The following PDZD2 variants were observed in gnomAD, a reference collection of about 807,000 sequenced individuals.
The protein encoded by PDZD2 is PDZ domain containing 2.
PDZD2 carries 90 observed loss-of-function variants against 220.7 expected under a neutral mutation model. That is an observed-to-expected ratio of 0.41 (90% CI 0.34 to 0.49). PDZD2 has a LOEUF of 0.49. Among genes scored for constraint, PDZD2 ranks in the 20% least tolerant of loss-of-function variants. The pLI is 0.28. For missense variants in PDZD2, 3,174 were observed against 3,608.5 expected (o/e 0.88, Z 3.08); for synonymous variants, 1,375 against 1,450.5 (o/e 0.95, Z 1.18).
chr5:31,847,385 G>C (rs1348021246), intron 2 of PDZD2: 2 of 451,190 alleles, frequency 4.4e-6, no homozygotes, highest in Admixed American at 5.5e-5. Context: ...CTTGGTGATA[G>C]AGGATAAAAA....
chr5:31,923,346 C>T, intron 2 of PDZD2: 3 of 945,084 alleles, frequency 3.2e-6, no homozygotes, highest in Non-Finnish European at 5.2e-6. Flanking sequence ...GGGGTCCTCC[C>T]TGTGCCACAC....
At chr5:31,666,893 C>T (rs1746009251) in intron 1 of PDZD2, among the ~76,000 whole-genome samples, 2 of 152,136 alleles carry the variant, frequency 1.3e-5, no homozygotes, top group Non-Finnish European at 2.9e-5. Flanking sequence ...CTTGTGACTT[C>T]TTAGCCCAAG....
intron 1 of PDZD2, among the ~76,000 whole-genome samples, chr5:31,728,844 GTTTAT>G (rs778082625): frequency 1.3e-5 from 2 of 151,882 alleles, no homozygotes; most frequent in East Asian, 1.9e-4. Context: ...TGTGCATCTT[GTTTAT>G]TTTATTTTAT....
At chr5:31,726,208 C>T (rs923579166) in intron 1 of PDZD2, among the ~76,000 whole-genome samples, 12 of 152,174 alleles carry the variant, frequency 7.9e-5, no homozygotes, top group African/African-American at 2.9e-4. Flanking sequence ...GCCGTTGCCA[C>T]CTTTTTATGC....
chr5:31,996,767 G>A (rs72759655), intron 4 of PDZD2, among the ~76,000 whole-genome samples: 17,799 of 152,196 alleles, frequency 0.12, 1,185 homozygotes, highest in South Asian at 0.18. Flanking sequence ...TGTAGTCCTA[G>A]CTACTCAGGA....
intron 1 of PDZD2, among the ~76,000 whole-genome samples, chr5:31,675,352 G>T (rs960759211): frequency 6.6e-6 from 1 of 152,276 alleles, no homozygotes; most frequent in Non-Finnish European, 1.5e-5. Context: ...GGAAGGAAAG[G>T]CTGTGCTGGC....
At chr5:31,727,368 A>G (rs550694834) in intron 1 of PDZD2, among the ~76,000 whole-genome samples, 2 of 152,272 alleles carry the variant, frequency 1.3e-5, no homozygotes, top group East Asian at 3.9e-4. Context: ...ACTACCTCCC[A>G]CTGCAAATAT....
intron 1 of PDZD2, among the ~76,000 whole-genome samples, chr5:31,703,955 C>T (rs199548579): frequency 2.3e-5 from 3 of 127,868 alleles, no homozygotes; most frequent in South Asian, 2.6e-4. Flanking sequence ...CTTTCTCTCT[C>T]TTTCTCTCTC....
Position 31,849,919 on chromosome 5 carries a change from CATATA to C in PDZD2, c.476+50196_476+50200del, listed in dbSNP as rs1757852327. 7.9e-4 allele frequency among the ~76,000 whole-genome samples: 15 copies of C among 19,060 alleles called. 5 individuals are homozygous for C. Among genetic ancestry groups the C allele is most frequent in the African/African-American group, 3.5e-3 (13 of 3,696 alleles). The allele number at this position is 19,060 out of a possible 152,430, so 12.5% of individuals were successfully genotyped here. A position where few individuals can be genotyped will look rare whatever the true frequency, so the allele number is the denominator to read the frequency against. On this transcript the variant is annotated intron_variant, in intron 2 of 24. Coordinates refer to ENST00000438447, the MANE Select transcript of PDZD2 (RefSeq NM_178140.4). ...ATATATATATACATATATATATATA[CATATA>C]TATATATACACATATATATATATAC... is the stretch of plus-strand genomic sequence containing the variant.
At chr5:32,100,741 T>C (rs993227886) in intron 23 of PDZD2, 2 of 446,930 alleles carry the variant, frequency 4.5e-6, no homozygotes, top group Non-Finnish European at 8.3e-6. Flanking sequence ...AAATTTGGAG[T>C]CCCCAAGTGT....
In PDZD2 at chr5:32,089,640, C is replaced by T; in HGVS notation, c.6192C>T (p.Asp2064=). ...GCCTGGCCAGCCATGTGGCAGCAGA[C>T]ACAGCCCAACCCAGGCCGACTGGCG... ...EPRLASHVAA[D]TAQPRPTGEK... Residue 2064 remains aspartate (D), a synonymous_variant, in exon 20 of 25, where the codon GAC becomes GAT. Transcript: ENST00000438447. 1 of 1,613,888 alleles carries T rather than the reference C, an allele frequency of 6.2e-7. No individual in the cohort carries two copies. The highest frequency in any genetic ancestry group is 8.5e-7 in the Non-Finnish European group (1 of 1,179,970).
At chr5:31,678,792 A>C (rs1746542752) in intron 1 of PDZD2, among the ~76,000 whole-genome samples, 1 of 152,050 alleles carries the variant, frequency 6.6e-6, no homozygotes, top group Admixed American at 6.6e-5. Flanking sequence ...TTTTTTGTAG[A>C]GACAGGATTT....
chr5:31,671,726 A>T (rs1404570540), intron 1 of PDZD2, among the ~76,000 whole-genome samples: 1 of 152,186 alleles, frequency 6.6e-6, no homozygotes, highest in African/African-American at 2.4e-5. Context: ...TCTCAATGCA[A>T]AATTCGAGAA....
At chr5:31,919,586 A>C (rs1414647226) in intron 2 of PDZD2, among the ~76,000 whole-genome samples, 2 of 151,922 alleles carry the variant, frequency 1.3e-5, no homozygotes, top group South Asian at 2.1e-4. Flanking sequence ...ACCTCAGGTG[A>C]TCTGCCTGCC....
chr5:31,714,345 G>C (rs543697423), intron 1 of PDZD2, among the ~76,000 whole-genome samples: 4 of 152,288 alleles, frequency 2.6e-5, no homozygotes, highest in African/African-American at 9.6e-5. Context: ...TGTGGGTTCC[G>C]CTTGTGTCTC....
intron 3 of PDZD2, among the ~76,000 whole-genome samples, chr5:31,990,668 A>G (rs1561281102): frequency 6.6e-6 from 1 of 152,206 alleles, no homozygotes; most frequent in African/African-American, 2.4e-5. Flanking sequence ...ATTCAGTGCT[A>G]TTTATGGGAT....
At chr5:31,737,117 A>C (rs1749907905) in intron 1 of PDZD2, among the ~76,000 whole-genome samples, 1 of 150,028 alleles carries the variant, frequency 6.7e-6, no homozygotes, top group Non-Finnish European at 1.5e-5. Context: ...CTTACACCTT[A>C]GCACTGGGGT....
chr5:31,817,185 C>CAAA lies in PDZD2; in HGVS notation c.476+17476_476+17478dup, dbSNP rs33979989. Among the ~76,000 whole-genome samples, 917 of 95,594 alleles carry CAAA rather than the reference C, an allele frequency of 9.6e-3. 31 individuals are homozygous for CAAA. The highest frequency in any genetic ancestry group is 0.034 in the Admixed American group (267 of 7,968). The allele number at this position is 95,594 out of a possible 152,430, so 62.7% of individuals were successfully genotyped here. A position where few individuals can be genotyped will look rare whatever the true frequency, so the allele number is the denominator to read the frequency against. On this transcript the variant is annotated intron_variant, in intron 2 of 24. Coordinates refer to ENST00000438447, the MANE Select transcript of PDZD2 (RefSeq NM_178140.4). ...TGGGCGACAGAGTGAGACTCCGTCTCAAAAAAAAAAAAAAAAAGCAACATC... is the reference window on the plus strand; with the variant it reads ...TGGGCGACAGAGTGAGACTCCGTCTCAAAAAAAAAAAAAAAAAAAAGCAACATC...
At chr5:32,003,380 C>T (rs1488306949) in intron 5 of PDZD2, among the ~76,000 whole-genome samples, 3 of 64,364 alleles carry the variant, frequency 4.7e-5, no homozygotes, top group Non-Finnish European at 1.3e-4. Flanking sequence ...ACACCACACA[C>T]ACACCCACAC....
Sources: allele counts gnomAD v4.1 joint callset (sites outside exome capture counted in the v4.1 genomes callset), GRCh38; gene constraint gnomAD v4.1.1; transcripts MANE v1.5; gene names NCBI Gene and HGNC (gene_info 2026-07-23, HGNC 2026-07-21).